Variants in PRKDC observed in about 807,000 individuals in gnomAD.
PRKDC encodes the protein protein kinase, DNA-activated, catalytic subunit, also known as DNA-dependent protein kinase catalytic subunit.
PRKDC carries 82 observed loss-of-function variants against 486.9 expected under a neutral mutation model. That is an observed-to-expected ratio of 0.17 (90% CI 0.14 to 0.20). PRKDC has a LOEUF of 0.20. PRKDC is among the 10% of genes least tolerant of loss of function. PRKDC has a pLI of 1.00. For missense variants in PRKDC, 4,504 were observed against 5,038.2 expected, an observed-to-expected ratio of 0.89 and a Z score of 3.21; for synonymous variants, 1,895 against 1,837.0, an observed-to-expected ratio of 1.03 and a Z score of -0.81.
At chr8:47,905,420 G>A (rs922079974) in intron 25 of PRKDC, among the ~76,000 whole-genome samples, 3 of 152,160 alleles carry the variant, frequency 2.0e-5, no homozygotes, top group African/African-American at 7.2e-5. Context: ...TGATTGGGAG[G>A]GCAATTTAGG....
chr8:47,895,619 T>C (rs1042063035), intron 30 of PRKDC, among the ~76,000 whole-genome samples: 2 of 152,138 alleles, frequency 1.3e-5, no homozygotes, highest in African/African-American at 4.8e-5. Flanking sequence ...ATAGGAAAAA[T>C]GCTGCCCACT....
chr8:47,858,865 G>A lies in PRKDC; in HGVS notation c.6329C>T (p.Pro2110Leu), dbSNP rs191514502. Reference protein sequence around the residue: ...LVKHMHRSLGPPQGEEDSVPR... With the variant: ...LVKHMHRSLGLPQGEEDSVPR... ...GAAAAGCACCTCTTCTCCTTGAGGCGGGCCCAGGCTTCTGTGCATGTGCTT... is the reference window on the plus strand; with the variant it reads ...GAAAAGCACCTCTTCTCCTTGAGGCAGGCCCAGGCTTCTGTGCATGTGCTT... Residue 2110 changes from proline (P) to leucine (L), a missense_variant, in exon 47 of 86, where the codon CCG (proline) becomes CTG (leucine). Transcript: ENST00000314191. The A allele has an allele frequency of 5.0e-5, 80 of 1,613,450 alleles. No individual in the cohort carries two copies. In the African/African-American group the frequency reaches 8.1e-4, roughly 16 times the overall value.
intron 37 of PRKDC, 99 bp downstream of exon 37, chr8:47,881,813 A>G: frequency 9.2e-7 from 1 of 1,089,330 alleles, no homozygotes; most frequent in South Asian, 2.0e-5. Flanking sequence ...TTATTTGTCA[A>G]ACCAATGAGC....
Position 47,807,164 on chromosome 8 carries a change from C to T in PRKDC, c.9720G>A (p.Met3240Ile), listed in dbSNP as rs753361989. The T allele has an allele frequency of 9.9e-6, 16 of 1,613,922 alleles. No individual in the cohort carries two copies. The highest frequency in any genetic ancestry group is 1.4e-5 in the Non-Finnish European group (16 of 1,179,842). The change falls in exon 69 of 86, where the codon ATG becomes ATA. Residue 3240 changes from methionine to isoleucine, a missense_variant. Physicochemically the swap from Met to Ile is conservative, Grantham distance 10. Around this residue, in one of 6 missense-constraint regions of PRKDC, gnomAD observed 1,592 missense variants for 1,724.6 expected, o/e 0.92. Coordinates refer to ENST00000314191, the MANE Select transcript of PRKDC (RefSeq NM_006904.7). The stretch of plus-strand genomic sequence containing the variant: ...GCTTCCGGGCACTGTCTATCATCTT[C>T]ATTTTCATGGAAAACTTGCAACTCC... ...LIRSCKFSMKMKMIDSARKQN... is the reference protein window; with the variant it reads ...LIRSCKFSMKIKMIDSARKQN...
In PRKDC at chr8:47,893,370, A is replaced by T; in HGVS notation, c.3616T>A (p.Leu1206Met). The T allele has an allele frequency of 6.5e-7, 1 of 1,537,054 alleles. No homozygotes were observed. Among genetic ancestry groups the T allele is most frequent in the Non-Finnish European group, 8.8e-7 (1 of 1,134,140 alleles). Reference protein sequence around the residue: ...PLLPGNRSPNLWLKDVLKEEG... With the variant: ...PLLPGNRSPNMWLKDVLKEEG... ...TCCTTGAGAACATCTTTCAGCCACA[A>T]ATTAGGGGATCTGTTGCCTTTAAAA... The change falls in exon 31 of 86, where the codon TTG (leucine) becomes ATG (methionine). Residue 1206 changes from leucine to methionine, a missense_variant. Transcript: ENST00000314191.
intron 40 of PRKDC, among the ~76,000 whole-genome samples, chr8:47,874,524 G>A (rs2089044610): frequency 6.6e-6 from 1 of 152,208 alleles, no homozygotes; most frequent in Non-Finnish European, 1.5e-5. Flanking sequence ...TTGGGCGGCT[G>A]AGGCGGGAGG....
intron 29 of PRKDC, among the ~76,000 whole-genome samples, chr8:47,898,067 A>G (rs949326717): frequency 2.0e-5 from 3 of 152,254 alleles, no homozygotes; most frequent in Non-Finnish European, 4.4e-5. Flanking sequence ...TCCTAATTTT[A>G]TAATTCCATG....
chr8:47,822,129 C>T (rs757813625), intron 64 of PRKDC, among the ~76,000 whole-genome samples: 1 of 151,984 alleles, frequency 6.6e-6, no homozygotes, highest in Non-Finnish European at 1.5e-5. Flanking sequence ...AAACTCTCTA[C>T]AAAAAACACA....
In PRKDC at chr8:47,826,796, C is replaced by A. The variant is rs1021897370; in HGVS notation, c.8643G>T (p.Leu2881=). ...LDPAAVSAGC[L]ASLQQPVGIR... ...TGCCCACGGGCTGCTGTAGGCTGGC[C>A]AGGCAACCAGCGCTAACAGCCGCTG... Residue 2881 remains leucine, a synonymous_variant, in exon 63 of 86, where the codon CTG becomes CTT. Coordinates refer to ENST00000314191, the MANE Select transcript of PRKDC (RefSeq NM_006904.7). The A allele has an allele frequency of 2.5e-6, 4 of 1,608,832 alleles. No individual in the cohort carries two copies. The highest frequency in any genetic ancestry group is 2.7e-5 in the African/African-American group (2 of 74,986).
chr8:47,865,603 G>A (rs374502138), intron 40 of PRKDC, among the ~76,000 whole-genome samples: 19 of 152,024 alleles, frequency 1.2e-4, no homozygotes, highest in African/African-American at 4.3e-4. Context: ...AAATAAGAGG[G>A]TTAAGACTAA....
In PRKDC at chr8:47,849,380, T is replaced by A; in HGVS notation, c.7129A>T (p.Arg2377Trp). 6.2e-7 allele frequency: 1 copy of A among 1,614,000 alleles called. No homozygotes were observed. Among genetic ancestry groups the A allele is most frequent in the Non-Finnish European group, 8.5e-7 (1 of 1,179,896 alleles). Residue 2377 changes from arginine to tryptophan, a missense_variant and splice_region_variant, in exon 53 of 86, where the codon AGG (arginine) becomes TGG (tryptophan). Arg to Trp is a moderately radical substitution (Grantham distance 101, BLOSUM62 -3). Coordinates refer to ENST00000314191, the MANE Select transcript of PRKDC (RefSeq NM_006904.7). The part of the protein sequence containing the change: ...VTKSFPPLAD[R>W]FMNAVFFLLP... ...AAAGGATCCCTGGACAGCCCATACCTGTCTGCAAGAGGAGGGAAGCTCTTG... is the reference window on the plus strand; with the variant it reads ...AAAGGATCCCTGGACAGCCCATACCAGTCTGCAAGAGGAGGGAAGCTCTTG...
intron 56 of PRKDC, among the ~76,000 whole-genome samples, chr8:47,838,125 G>A (rs2088067389): frequency 6.6e-6 from 1 of 151,950 alleles, no homozygotes; most frequent in African/African-American, 2.4e-5. Flanking sequence ...GACAGAGTGA[G>A]ACTCCATCTC....
intron 73 of PRKDC, 53 bp from the exon 74 acceptor site, chr8:47,794,554 T>C: frequency 7.1e-7 from 1 of 1,398,840 alleles, no homozygotes; most frequent in Non-Finnish European, 9.8e-7. Flanking sequence ...ACATCATCTG[T>C]TATAAAAGTA....
rs1289961442 is a variant in PRKDC at position 47,789,125 on chromosome 8, T to C, written c.10758+26A>G. On this transcript the variant is annotated intron_variant, in intron 75 of 85. Transcript: ENST00000314191. Reference sequence around the variant, plus strand: ...AGTTTTACCCAACTTATATGTTTTATGTGCCAGAAGCCGTTCTATCATTAC... The same window carrying C: ...AGTTTTACCCAACTTATATGTTTTACGTGCCAGAAGCCGTTCTATCATTAC... 5 of 1,612,954 alleles carry C rather than the reference T, an allele frequency of 3.1e-6. No homozygotes were observed. The Admixed American group carries it at 8.3e-5, about 27-fold the overall frequency.
At position 47,877,855 on chromosome 8, in the gene PRKDC, G is replaced by A; in HGVS notation, c.5236-4C>T. The A allele has an allele frequency of 6.8e-7, 1 of 1,462,624 alleles. No homozygotes were observed. The highest frequency in any genetic ancestry group is 1.4e-5 in the African/African-American group (1 of 70,252). 90.6% of individuals were successfully genotyped at this position (1,462,624 alleles called of 1,614,324 possible). A position where few individuals can be genotyped will look rare whatever the true frequency, so the allele number is the denominator to read the frequency against. On this transcript the variant is annotated splice_region_variant and splice_polypyrimidine_tract_variant and intron_variant, in intron 39 of 85. Transcript: ENST00000314191. ...ATAATTCCAATGCATCTAGAAACTA[G>A]AAAAAATACATCAACATCATTAAAA... is the stretch of plus-strand genomic sequence containing the variant.
At chr8:47,911,751 A>G (rs1224641203) in intron 25 of PRKDC, among the ~76,000 whole-genome samples, 2 of 151,652 alleles carry the variant, frequency 1.3e-5, no homozygotes, top group Non-Finnish European at 2.9e-5. Flanking sequence ...CTTGCCAGCC[A>G]TAGCTATTTT....
chr8:47,830,473 C>T (rs2087838192), intron 61 of PRKDC, 132 bp downstream of exon 61: 4 of 1,248,224 alleles, frequency 3.2e-6, no homozygotes, highest in Non-Finnish European at 3.3e-6. Flanking sequence ...ATACCAAGTC[C>T]ACCGTTGAGG....
At chr8:47,837,457 A>G in intron 56 of PRKDC, 38 bp from the exon 57 acceptor site, 3 of 1,481,592 alleles carry the variant, frequency 2.0e-6, no homozygotes, top group South Asian at 2.4e-5. Flanking sequence ...TGCTTAGACA[A>G]TGGCAAATGG....
At position 47,863,811 on chromosome 8, in the gene PRKDC, G is replaced by A. The variant is rs75689900; in HGVS notation, c.5572-234C>T. Among the ~76,000 whole-genome samples the A allele has an allele frequency of 5.3e-4, 80 of 152,308 alleles. 1 individual carries two copies. The highest frequency in any genetic ancestry group is 9.8e-4 in the Non-Finnish European group (67 of 68,026). On this transcript the variant is annotated intron_variant, in intron 41 of 85. Transcript: ENST00000314191. The stretch of plus-strand genomic sequence containing the variant: ...ATAATGTGTGACATCCAAATAGTGA[G>A]CCAAGGGTAGAAAATGTTTGCACAA...
Sources: allele counts gnomAD v4.1 joint callset (sites outside exome capture counted in the v4.1 genomes callset), GRCh38; gene constraint gnomAD v4.1.1; regional missense constraint gnomAD v4.1.1; transcripts MANE v1.5; gene names NCBI Gene and HGNC (gene_info 2026-07-23, HGNC 2026-07-21).